The following GTF2F2 variants were observed in gnomAD, a reference collection of about 807,000 sequenced individuals.
GTF2F2 encodes the protein general transcription factor IIF subunit 2.
Under a neutral mutation model 42.2 loss-of-function variants are expected in GTF2F2, and 23 were observed. The ratio of observed to expected loss-of-function variants is 0.55; its 90% CI spans 0.39 to 0.77. The LOEUF is 0.77. Ranked by LOEUF, GTF2F2 falls within the 30% of genes least tolerant of loss-of-function variation. The pLI, the probability that GTF2F2 is intolerant of heterozygous loss-of-function variation, is 0.00. For missense variants in GTF2F2, 261 were observed against 287.2 expected (o/e 0.91, Z 0.66); for synonymous variants, 105 against 100.8 (o/e 1.04, Z -0.25).
At chr13:45,155,560 G>A (rs879666974) in intron 4 of GTF2F2, among the ~76,000 whole-genome samples, 6 of 152,144 alleles carry the variant, frequency 3.9e-5, no homozygotes, top group African/African-American at 1.2e-4. Flanking sequence ...TAGGGAGAGC[G>A]AATTAGAGGA....
intron 4 of GTF2F2, among the ~76,000 whole-genome samples, chr13:45,180,658 T>A (rs1441584567): frequency 6.6e-6 from 1 of 152,088 alleles, no homozygotes; most frequent in Non-Finnish European, 1.5e-5. Flanking sequence ...TTATACTTCA[T>A]GTCAGTCATC....
intron 4 of GTF2F2, among the ~76,000 whole-genome samples, chr13:45,176,744 C>G (rs993589818): frequency 6.6e-6 from 1 of 151,866 alleles, no homozygotes; most frequent in Non-Finnish European, 1.5e-5. Context: ...TGTCTTTCTT[C>G]ACATTTGCAT....
At chr13:45,270,952 C>T (rs1876762871) in intron 7 of GTF2F2, among the ~76,000 whole-genome samples, 1 of 152,064 alleles carries the variant, frequency 6.6e-6, no homozygotes, top group Non-Finnish European at 1.5e-5. Flanking sequence ...GTTCATTTAC[C>T]AGTGTTCCTG....
At chr13:45,124,465 G>A (rs1038595922) in intron 1 of GTF2F2, among the ~76,000 whole-genome samples, 5 of 151,634 alleles carry the variant, frequency 3.3e-5, no homozygotes, top group African/African-American at 1.2e-4. Flanking sequence ...GGGAGGCCGA[G>A]GCGGGTGGAT....
intron 6 of GTF2F2, among the ~76,000 whole-genome samples, chr13:45,262,822 G>A (rs1478751949): frequency 1.3e-5 from 2 of 152,132 alleles, no homozygotes; most frequent in Non-Finnish European, 2.9e-5. Context: ...ATAGCTCACT[G>A]CAGCCTCAAC....
At chr13:45,278,475 T>C (rs570433884) in intron 7 of GTF2F2, among the ~76,000 whole-genome samples, 13 of 152,330 alleles carry the variant, frequency 8.5e-5, no homozygotes, top group African/African-American at 2.9e-4. Flanking sequence ...GATCTTGTGC[T>C]GCAGCTTGGC....
At chr13:45,141,093 A>G (rs899306167) in intron 2 of GTF2F2, among the ~76,000 whole-genome samples, 1 of 152,282 alleles carries the variant, frequency 6.6e-6, no homozygotes, top group African/African-American at 2.4e-5. Context: ...TGTCCCATGA[A>G]TAATACATTC....
intron 7 of GTF2F2, among the ~76,000 whole-genome samples, chr13:45,278,965 A>C (rs1877147697): frequency 6.6e-6 from 1 of 151,616 alleles, no homozygotes; most frequent in South Asian, 2.1e-4. Context: ...CTGGGACTAC[A>C]GGGGCCTGCC....
chr13:45,183,623 C>G (rs1476176745), intron 4 of GTF2F2, among the ~76,000 whole-genome samples: 1 of 152,006 alleles, frequency 6.6e-6, no homozygotes, highest in Non-Finnish European at 1.5e-5. Flanking sequence ...TAGTTGCTAC[C>G]CTTAATTAGG....
chr13:45,155,213 C>T (rs996311094), intron 4 of GTF2F2, among the ~76,000 whole-genome samples: 4 of 152,198 alleles, frequency 2.6e-5, no homozygotes, highest in Admixed American at 2.0e-4. Context: ...TGGTCATGAA[C>T]CTGCCAAAGT....
At chr13:45,149,080 C>G (rs1393658862) in intron 2 of GTF2F2, among the ~76,000 whole-genome samples, 2 of 151,934 alleles carry the variant, frequency 1.3e-5, no homozygotes, top group Non-Finnish European at 2.9e-5. Flanking sequence ...TGATGAAGTA[C>G]TGTATAGATC....
intron 5 of GTF2F2, among the ~76,000 whole-genome samples, chr13:45,220,358 C>T (rs1352756259): frequency 2.0e-5 from 3 of 152,014 alleles, no homozygotes; most frequent in African/African-American, 7.3e-5. Flanking sequence ...TAAAAAGCAA[C>T]CAGATCTTAT....
At chr13:45,233,246 C>T (rs1050821350) in intron 5 of GTF2F2, among the ~76,000 whole-genome samples, 3 of 151,916 alleles carry the variant, frequency 2.0e-5, no homozygotes, top group African/African-American at 7.3e-5. Flanking sequence ...CGTGAGACCC[C>T]ATCTCTGCAA....
intron 4 of GTF2F2, among the ~76,000 whole-genome samples, chr13:45,158,658 T>C (rs1870885423): frequency 1.3e-5 from 2 of 152,234 alleles, no homozygotes; most frequent in Non-Finnish European, 2.9e-5. Flanking sequence ...TTGTTGATTC[T>C]TCCTTCATTT....
intron 5 of GTF2F2, among the ~76,000 whole-genome samples, chr13:45,249,380 A>T (rs190754535): frequency 0.055 from 4,357 of 79,132 alleles, 101 homozygotes; most frequent in East Asian, 0.13. Flanking sequence ...GTTTATTTTT[A>T]AAAAAAAAAT....
chr13:45,252,228 G>A (rs1204567291), intron 5 of GTF2F2, among the ~76,000 whole-genome samples: 2 of 152,174 alleles, frequency 1.3e-5, no homozygotes, highest in East Asian at 3.9e-4. Flanking sequence ...CTGTGGCCTC[G>A]ACCTCCCAGG....
Position 45,147,822 on chromosome 13 carries a change from A to G in GTF2F2, c.141-1948A>G, listed in dbSNP as rs186422037. On this transcript the variant is annotated intron_variant, in intron 2 of 7. Transcript: ENST00000340473. ...GATACTTTCTTTTTTCATTTGGGCT[A>G]TTCCCTTAGCCTGGAAATCCCCCAT... is the stretch of plus-strand genomic sequence containing the variant. Among the ~76,000 whole-genome samples, 391 of 152,246 alleles carry G rather than the reference A, an allele frequency of 2.6e-3. 1 individual carries two copies. Among genetic ancestry groups the G allele is most frequent in the African/African-American group, 8.8e-3 (367 of 41,532 alleles).
intron 2 of GTF2F2, among the ~76,000 whole-genome samples, chr13:45,147,929 C>A (rs1870281541): frequency 1.3e-5 from 2 of 152,116 alleles, no homozygotes; most frequent in African/African-American, 2.4e-5. Context: ...ATGGTATATA[C>A]CTTTGCCATA....
At chr13:45,203,597 A>G (rs952710184) in intron 4 of GTF2F2, among the ~76,000 whole-genome samples, 2 of 152,070 alleles carry the variant, frequency 1.3e-5, no homozygotes, top group African/African-American at 2.4e-5. Flanking sequence ...TTATAGAAAC[A>G]CCCCCCAAAC....
Sources: gnomAD v4.1 joint callset for allele counts (sites outside exome capture counted in the v4.1 genomes callset) on GRCh38, gnomAD v4.1.1 for gene constraint, MANE v1.5 for transcripts, NCBI Gene and HGNC (gene_info 2026-07-23, HGNC 2026-07-21) for gene names.